The following BARD1 variants were observed in gnomAD, a reference collection of about 807,000 sequenced individuals.
The protein encoded by BARD1 is BRCA1 associated RING domain 1, also known as BRCA1-associated RING domain protein 1.
BARD1 carries 73 observed loss-of-function variants against 77.0 expected under a neutral mutation model. That is an observed-to-expected ratio of 0.95 (90% CI 0.79 to 1.15). The LOEUF (loss-of-function observed/expected upper bound fraction) is 1.15, where lower values mean the gene tolerates loss of function less well. Ranked by LOEUF, BARD1 falls within the 50% of genes most tolerant of loss-of-function variation. The pLI is 0.00. For missense variants in BARD1, 993 were observed against 938.8 expected, an observed-to-expected ratio of 1.06 and a Z score of -0.75; for synonymous variants, 384 against 338.0, an observed-to-expected ratio of 1.14 and a Z score of -1.49.
At chr2:214,730,311 AGTCACCTGTAGCT>A in intron 10 of BARD1, 87 bp downstream of exon 10, 2 of 981,690 alleles carry the variant, frequency 2.0e-6, no homozygotes, top group Non-Finnish European at 3.2e-6. Flanking sequence ...AATTTTAATC[AGTCACCTGTAGCT>A]GTTGAAAGGG....
At chr2:214,798,288 T>C (rs1458514519) in intron 1 of BARD1, among the ~76,000 whole-genome samples, 2 of 152,152 alleles carry the variant, frequency 1.3e-5, no homozygotes, top group East Asian at 1.9e-4. Context: ...CAAAACCTAT[T>C]ACTTTTTAAA....
chr2:214,781,776 A>G (rs1285305974), intron 3 of BARD1, among the ~76,000 whole-genome samples: 1 of 152,186 alleles, frequency 6.6e-6, no homozygotes, highest in Non-Finnish European at 1.5e-5. Context: ...GTACCCAAAA[A>G]AACCCATAAA....
chr2:214,739,140 G>A (rs1574724148), intron 9 of BARD1, among the ~76,000 whole-genome samples: 1 of 151,718 alleles, frequency 6.6e-6, no homozygotes, highest in African/African-American at 2.4e-5. Flanking sequence ...CAGAGTGAGG[G>A]AGGGGAAAAA....
In BARD1 at chr2:214,769,254, T is replaced by A. The variant is rs876660108; in HGVS notation, c.1373A>T (p.Asp458Val). Residue 458 changes from aspartate (D) to valine (V), a missense_variant, in exon 5 of 11, where the codon GAC (aspartate) becomes GTC (valine). Transcript: ENST00000260947. ...TACCAATGGTGTCCATCCAGCATGG[T>A]CTTTAACATTTGGATCACTTCCATT... is the stretch of plus-strand genomic sequence containing the variant. ...LQNGSDPNVK[D>V]HAGWTPLHEA... is the part of the protein sequence containing the mutation. 1.2e-6 allele frequency: 2 copies of A among 1,613,512 alleles called. No individual in the cohort carries two copies. The highest frequency in any genetic ancestry group is 1.7e-6 in the Non-Finnish European group (2 of 1,179,464).
intron 1 of BARD1, among the ~76,000 whole-genome samples, chr2:214,808,111 T>C (rs1696360016): frequency 6.6e-6 from 1 of 152,248 alleles, no homozygotes; most frequent in Admixed American, 6.5e-5. Flanking sequence ...TCCTTTTCAT[T>C]TTTAAAGAAA....
intron 9 of BARD1, among the ~76,000 whole-genome samples, chr2:214,738,846 A>G (rs1258921215): frequency 6.6e-6 from 1 of 152,176 alleles, no homozygotes; most frequent in Non-Finnish European, 1.5e-5. Context: ...ACAGATCCAC[A>G]TTTTAAAGAA....
chr2:214,747,054 C>T (rs1457597990), intron 7 of BARD1, among the ~76,000 whole-genome samples: 1 of 151,978 alleles, frequency 6.6e-6, no homozygotes, highest in African/African-American at 2.4e-5. Flanking sequence ...AGGATATGAA[C>T]AGACACTTCT....
intron 9 of BARD1, among the ~76,000 whole-genome samples, chr2:214,740,895 T>C (rs1359591649): frequency 6.6e-6 from 1 of 150,770 alleles, no homozygotes; most frequent in African/African-American, 2.5e-5. Context: ...TCTTAATTTA[T>C]ACGAATGTTT....
chr2:214,801,858 G>GT lies in BARD1; in HGVS notation c.159-4742_159-4741insA, dbSNP rs1289625208. The stretch of plus-strand genomic sequence containing the variant: ...AAAACCAAATATTTGGCGGGGGGGG[G>GT]GGTTGTTTTTGTTTTTTTTAAAACA... On this transcript the variant is annotated intron_variant, in intron 1 of 10. Coordinates refer to ENST00000260947, the MANE Select transcript of BARD1 (RefSeq NM_000465.4). 4.7e-5 allele frequency among the ~76,000 whole-genome samples: 7 copies of GT among 147,950 alleles called. 1 individual carries two copies. The highest frequency in any genetic ancestry group is 9.0e-5 in the Non-Finnish European group (6 of 66,712).
rs191619322 is a variant in BARD1, at chr2:214,758,631, C to T, written c.1569-6076G>A. Among the ~76,000 whole-genome samples, 5 of 152,282 alleles carry T rather than the reference C, an allele frequency of 3.3e-5. No homozygotes were observed. In the East Asian group the frequency reaches 9.7e-4, roughly 29 times the overall value. On this transcript the variant is annotated intron_variant, in intron 6 of 10. Transcript: ENST00000260947. Reference sequence around the variant, plus strand: ...GGCACTATCTAAAGAGTATGAACCACATAACTCTGAAAATCCTTTTCCTAA... The same window carrying T: ...GGCACTATCTAAAGAGTATGAACCATATAACTCTGAAAATCCTTTTCCTAA...
intron 4 of BARD1, among the ~76,000 whole-genome samples, chr2:214,778,839 T>G (rs978058846): frequency 6.6e-6 from 1 of 152,140 alleles, no homozygotes; most frequent in Non-Finnish European, 1.5e-5. Context: ...TAAAGATAAA[T>G]TATTCTTATG....
chr2:214,776,397 T>C (rs78193843), intron 4 of BARD1, among the ~76,000 whole-genome samples: 2,803 of 152,320 alleles, frequency 0.018, 80 homozygotes, highest in African/African-American at 0.061. Flanking sequence ...ATGAGTATCT[T>C]AGTTTCTACT....
rs751972618 is a variant in BARD1 at position 214,792,376 on chromosome 2, C to A, written c.285G>T (p.Leu95Phe). The part of the protein sequence containing the change: ...VCYTPAWIQD[L>F]KINRQLDSMI... The stretch of plus-strand genomic sequence containing the variant: ...TGCTGTCCAGTTGTCTATTTATCTT[C>A]AAGTCTTGTATCCAGGCCGGGGTGT... Residue 95 changes from leucine (L) to phenylalanine (F), a missense_variant, in exon 3 of 11, where the codon TTG becomes TTT. Coordinates refer to ENST00000260947, the MANE Select transcript of BARD1 (RefSeq NM_000465.4). The A allele has an allele frequency of 6.2e-7, 1 of 1,611,634 alleles. No homozygotes were observed. The highest frequency in any genetic ancestry group is 8.5e-7 in the Non-Finnish European group (1 of 1,179,110).
chr2:214,801,130 C>T (rs979492740), intron 1 of BARD1, among the ~76,000 whole-genome samples: 3 of 152,188 alleles, frequency 2.0e-5, no homozygotes. Flanking sequence ...CCTATTGACT[C>T]TGTCAACTAC....
In BARD1 at chr2:214,809,513, C is replaced by T. The variant is rs730881406; in HGVS notation, c.57G>A (p.Glu19=). 2.8e-5 allele frequency: 44 copies of T among 1,598,678 alleles called. No individual in the cohort carries two copies. The highest frequency in any genetic ancestry group is 3.5e-5 in the Non-Finnish European group (41 of 1,174,560). The change falls in exon 1 of 11, where the codon GAG becomes GAA. Residue 19 remains glutamate (E), a synonymous_variant. Coordinates refer to ENST00000260947, the MANE Select transcript of BARD1 (RefSeq NM_000465.4). The part of the protein sequence containing the change: ...NRQPRIRSGN[E]PRSAPAMEPD... ...GTTCCATGGCGGGCGCGGAACGAGG[C>T]TCGTTCCCGGAGCGGATCCTCGGCT...
chr2:214,776,702 C>T (rs951560940), intron 4 of BARD1, among the ~76,000 whole-genome samples: 3 of 152,096 alleles, frequency 2.0e-5, no homozygotes, highest in African/African-American at 4.8e-5. Flanking sequence ...TGTCCACACA[C>T]GAATAATCCC....
chr2:214,800,296 G>T (rs150013740), intron 1 of BARD1, among the ~76,000 whole-genome samples: 1 of 152,230 alleles, frequency 6.6e-6, no homozygotes, highest in Non-Finnish European at 1.5e-5. Flanking sequence ...GATAAGGAAA[G>T]ATAATGGAAA....
At chr2:214,792,785 T>C (rs1695589807) in intron 2 of BARD1, among the ~76,000 whole-genome samples, 1 of 152,148 alleles carries the variant, frequency 6.6e-6, no homozygotes, top group Non-Finnish European at 1.5e-5. Flanking sequence ...TTTTCTATCT[T>C]AACATTGCAT....
chr2:214,735,852 C>A (rs981657655), intron 9 of BARD1, among the ~76,000 whole-genome samples: 2 of 152,110 alleles, frequency 1.3e-5, no homozygotes, highest in Admixed American at 1.3e-4. Context: ...TGTCAAGACG[C>A]TGAGTCTTTC....
Sources: gnomAD v4.1 joint callset for allele counts (sites outside exome capture counted in the v4.1 genomes callset) on GRCh38, gnomAD v4.1.1 for gene constraint, MANE v1.5 for transcripts, NCBI Gene and HGNC (gene_info 2026-07-23, HGNC 2026-07-21) for gene names.